The following NYAP2 variants were observed in gnomAD, a reference collection of about 807,000 sequenced individuals.
NYAP2 encodes neuronal tyrosine-phosphorylated phosphoinositide-3-kinase adapter 2.
In NYAP2, 23 loss-of-function variants were observed where a neutral mutation model predicts 50.4. The observed-to-expected ratio is 0.46, with a 90% confidence interval of 0.33 to 0.65. The LOEUF (loss-of-function observed/expected upper bound fraction) is 0.65, where lower values mean the gene tolerates loss of function less well. NYAP2 is among the 30% of genes least tolerant of loss of function. The probability of loss-of-function intolerance (pLI) is 0.02; values close to 1 mark genes in which losing one functional copy is unlikely to be tolerated. For missense variants in NYAP2, 885 were observed against 861.0 expected (o/e 1.03, Z -0.35); for synonymous variants, 394 against 365.2 (o/e 1.08, Z -0.90).
chr2:225,678,803 A>T, the NYAP2 span, among the ~76,000 whole-genome samples: 4 of 152,162 alleles, frequency 2.6e-5, no homozygotes, highest in Admixed American at 6.6e-5. Context: ...ATGTGCAGAC[A>T]TATGGAATTT....
chr2:225,486,483 C>CGCA (rs1023995512), intron 3 of NYAP2, among the ~76,000 whole-genome samples: 2 of 152,158 alleles, frequency 1.3e-5, no homozygotes, highest in African/African-American at 2.4e-5. Context: ...AGCAGGCAGG[C>CGCA]GCAGGCACTG....
intron 3 of NYAP2, among the ~76,000 whole-genome samples, chr2:225,440,478 C>A (rs769127853): frequency 2.6e-5 from 4 of 152,146 alleles, no homozygotes; most frequent in Admixed American, 6.5e-5. Flanking sequence ...CTTGGAGAAG[C>A]ATTGTGGTTC....
chr2:225,680,360 C>T, the NYAP2 span, among the ~76,000 whole-genome samples: 1 of 151,856 alleles, frequency 6.6e-6, no homozygotes, highest in South Asian at 2.1e-4. Context: ...TCTGCTTACA[C>T]ATAGAAAGGG....
intron 6 of NYAP2, among the ~76,000 whole-genome samples, chr2:225,643,374 C>T (rs1304772062): frequency 2.6e-5 from 4 of 152,106 alleles, no homozygotes; most frequent in Non-Finnish European, 4.4e-5. Flanking sequence ...TTTTAAAATA[C>T]ACAACTGGCA....
chr2:225,504,794 G>T (rs893620521), intron 3 of NYAP2, among the ~76,000 whole-genome samples: 1 of 152,052 alleles, frequency 6.6e-6, no homozygotes, highest in Admixed American at 6.5e-5. Context: ...GGGATCATGA[G>T]GTCAGGAGTT....
chr2:225,489,673 A>G (rs184260944), intron 3 of NYAP2, among the ~76,000 whole-genome samples: 228 of 152,346 alleles, frequency 1.5e-3, no homozygotes, highest in African/African-American at 5.3e-3. Context: ...ATCTGGAGTC[A>G]TATGGCTAGG....
At chr2:225,610,384 G>C (rs559921245) in intron 5 of NYAP2, among the ~76,000 whole-genome samples, 161 of 152,072 alleles carry the variant, frequency 1.1e-3, no homozygotes, top group African/African-American at 3.8e-3. Context: ...CAGTCCTATG[G>C]GTTTCGAGCC....
At chr2:225,562,523 A>T (rs1360374571) in intron 4 of NYAP2, among the ~76,000 whole-genome samples, 1 of 152,072 alleles carries the variant, frequency 6.6e-6, no homozygotes, top group Non-Finnish European at 1.5e-5. Flanking sequence ...ATTGCAAAGG[A>T]TCCATATCTC....
the NYAP2 span, among the ~76,000 whole-genome samples, chr2:225,673,039 C>T: frequency 6.6e-6 from 1 of 151,558 alleles, no homozygotes; most frequent in African/African-American, 2.4e-5. Context: ...GTTTAATGGA[C>T]TTACAGTTCC....
At chr2:225,540,657 T>C (rs915904999) in intron 4 of NYAP2, among the ~76,000 whole-genome samples, 1 of 152,208 alleles carries the variant, frequency 6.6e-6, no homozygotes, top group African/African-American at 2.4e-5. Flanking sequence ...ATTGTGTATA[T>C]GTACCATGTT....
chr2:225,618,515 T>A (rs1693028548), intron 5 of NYAP2, among the ~76,000 whole-genome samples: 1 of 152,224 alleles, frequency 6.6e-6, no homozygotes, highest in African/African-American at 2.4e-5. Flanking sequence ...CTCACAGCTT[T>A]AACTCAAACT....
intron 3 of NYAP2, among the ~76,000 whole-genome samples, chr2:225,478,049 T>A (rs112281559): frequency 6.6e-6 from 1 of 152,162 alleles, no homozygotes; most frequent in Admixed American, 6.5e-5. Context: ...CCAGGAACGG[T>A]TGAAATTAAT....
At chr2:225,585,717 C>A (rs1353280369) in intron 5 of NYAP2, among the ~76,000 whole-genome samples, 1 of 152,126 alleles carries the variant, frequency 6.6e-6, no homozygotes, top group East Asian at 1.9e-4. Flanking sequence ...ATCAAATGGA[C>A]AAATCAAATT....
intron 5 of NYAP2, among the ~76,000 whole-genome samples, chr2:225,591,037 T>C (rs1322320650): frequency 1.3e-5 from 2 of 152,174 alleles, no homozygotes; most frequent in East Asian, 3.9e-4. Context: ...AACCTAAGAC[T>C]GGCTGGCAGC....
rs1574652862 is a variant in NYAP2 at position 225,513,753 on chromosome 2, T to C, written c.523+81T>C. 3 of 1,129,620 alleles carry C rather than the reference T, an allele frequency of 2.7e-6. No homozygotes were observed. The Admixed American group carries it at 1.0e-4, about 38-fold the overall frequency. 70.0% of individuals were successfully genotyped at this position (1,129,620 alleles called of 1,614,324 possible). ...GTCAGCATGCCCAGGGGCAAGTGCCTTCTTCACTGGGCCACATAATCCTGC... is the reference window on the plus strand; with the variant it reads ...GTCAGCATGCCCAGGGGCAAGTGCCCTCTTCACTGGGCCACATAATCCTGC... On this transcript the variant is annotated intron_variant, in intron 4 of 6. Coordinates refer to ENST00000636099, the Ensembl canonical transcript of NYAP2.
chr2:225,498,456 G>T (rs998387959), intron 3 of NYAP2, among the ~76,000 whole-genome samples: 1 of 152,106 alleles, frequency 6.6e-6, no homozygotes, highest in Non-Finnish European at 1.5e-5. Context: ...AAGAAAGAAG[G>T]CTGGGCCACA....
chr2:225,582,613 C>G lies in NYAP2; in HGVS notation c.1196C>G (p.Ala399Gly), dbSNP rs375205040. ...GCGAAACTGGAGAAAGAGCAGGCCG[C>G]GGCCCTGGGACCTGCCTCTGCCACC... Residue 399 changes from alanine to glycine, a missense_variant, in exon 5 of 7, where the codon GCG becomes GGG. Ala to Gly is a moderately conservative substitution (Grantham distance 60). Coordinates refer to ENST00000636099, the Ensembl canonical transcript of NYAP2. This position sits in a 1 kb window ranked among gnomAD's most constrained non-coding sequence, Gnocchi z 7.0. The G allele has an allele frequency of 3.9e-5, 62 of 1,593,182 alleles. No individual in the cohort carries two copies. The African/African-American group carries it at 7.8e-4, about 20-fold the overall frequency.
chr2:225,593,956 G>C (rs573503869), intron 5 of NYAP2, among the ~76,000 whole-genome samples: 50 of 152,148 alleles, frequency 3.3e-4, no homozygotes, highest in East Asian at 1.9e-4. Context: ...CTCTTAAGTG[G>C]CATGTTTGAA....
Position 225,582,826 on chromosome 2 carries a change from C to T in NYAP2, c.1409C>T (p.Pro470Leu). Residue 470 changes from proline (P) to leucine (L), a missense_variant, in exon 5 of 7, where the codon CCT (proline) becomes CTT (leucine). By Grantham distance (98) the Pro-to-Leu change is moderately conservative (BLOSUM62 -3). Transcript: ENST00000636099. This position sits in a 1 kb window ranked among gnomAD's most constrained non-coding sequence, Gnocchi z 7.0. ...TCGGGCAGCCTCTCAAGGAGCTCTC[C>T]TTCAGTGCCTCACTCGACCCCCAGA... The T allele has an allele frequency of 6.2e-7, 1 of 1,613,928 alleles. No homozygotes were observed. Among genetic ancestry groups the T allele is most frequent in the Non-Finnish European group, 8.5e-7 (1 of 1,179,894 alleles).
Sources: gnomAD v4.1 joint callset for allele counts (sites outside exome capture counted in the v4.1 genomes callset) on GRCh38, gnomAD v4.1.1 for gene constraint, Gnocchi (gnomAD v3.1) non-coding constraint, MANE v1.5 for transcripts, NCBI Gene and HGNC (gene_info 2026-07-23, HGNC 2026-07-21) for gene names.